The following SNTB2 variants were observed in gnomAD, a reference collection of about 807,000 sequenced individuals.
SNTB2 encodes the protein syntrophin beta 2, also known as beta-2-syntrophin.
SNTB2 carries 34 observed loss-of-function variants against 46.2 expected under a neutral mutation model. The observed-to-expected ratio is 0.74, with a 90% CI of 0.56 to 0.98. SNTB2 has a LOEUF of 0.98. Ranked by LOEUF, SNTB2 falls within the 50% of genes least tolerant of loss-of-function variation. The pLI is 0.00. For missense variants in SNTB2, 603 were observed against 731.4 expected, an observed-to-expected ratio of 0.82 and a Z score of 2.02; for synonymous variants, 290 against 312.6, an observed-to-expected ratio of 0.93 and a Z score of 0.76.
chr16:69,192,536 TG>T (rs1964065565), intron 1 of SNTB2, among the ~76,000 whole-genome samples: 1 of 152,252 alleles, frequency 6.6e-6, no homozygotes, highest in African/African-American at 2.4e-5. Flanking sequence ...AACAGTATAC[TG>T]TATCTGGTCA....
chr16:69,224,360 C>T (rs929165145), intron 1 of SNTB2, among the ~76,000 whole-genome samples: 2 of 151,786 alleles, frequency 1.3e-5, no homozygotes, highest in East Asian at 2.0e-4. Flanking sequence ...TACAGGCTCG[C>T]GCCACCACGC....
At chr16:69,223,444 C>T (rs1263681929) in intron 1 of SNTB2, among the ~76,000 whole-genome samples, 1 of 152,154 alleles carries the variant, frequency 6.6e-6, no homozygotes, top group Non-Finnish European at 1.5e-5. Context: ...ATGCACCTAC[C>T]TCAGCCTCTC....
At chr16:69,215,826 A>G (rs1458895771) in intron 1 of SNTB2, among the ~76,000 whole-genome samples, 2 of 152,184 alleles carry the variant, frequency 1.3e-5, no homozygotes, top group African/African-American at 4.8e-5. Flanking sequence ...TTTTTGATAC[A>G]GGGTCCTGAT....
chr16:69,214,521 G>A (rs1321514613), intron 1 of SNTB2, among the ~76,000 whole-genome samples: 1 of 151,050 alleles, frequency 6.6e-6, no homozygotes, highest in Non-Finnish European at 1.5e-5. Context: ...TATTTTATAT[G>A]TACATATGTG....
intron 1 of SNTB2, among the ~76,000 whole-genome samples, chr16:69,221,567 G>A (rs1017731541): frequency 1.3e-5 from 2 of 152,140 alleles, no homozygotes; most frequent in African/African-American, 2.4e-5. Context: ...CTTGAAGTCA[G>A]GAGTTTGAGA....
chr16:69,243,219 G>A (rs2152296643), intron 1 of SNTB2, among the ~76,000 whole-genome samples: 1 of 152,278 alleles, frequency 6.6e-6, no homozygotes, highest in East Asian at 1.9e-4. Flanking sequence ...ATGTGGGGGT[G>A]TAAAGGCTCT....
At chr16:69,272,039 A>C (rs1465725942) in intron 4 of SNTB2, among the ~76,000 whole-genome samples, 2 of 152,176 alleles carry the variant, frequency 1.3e-5, no homozygotes, top group Non-Finnish European at 2.9e-5. Context: ...AATATAGTAG[A>C]TCTTCATGAC....
chr16:69,218,506 C>CAGA (rs1332686256), intron 1 of SNTB2, among the ~76,000 whole-genome samples: 2 of 151,830 alleles, frequency 1.3e-5, no homozygotes, highest in Non-Finnish European at 2.9e-5. Context: ...ACTGCAAGCT[C>CAGA]TGCCTCCCAG....
At chr16:69,235,822 C>A (rs1211552337) in intron 1 of SNTB2, 2 of 1,289,194 alleles carry the variant, frequency 1.6e-6, no homozygotes, top group East Asian at 1.1e-4. Context: ...CTTCAAATAT[C>A]CTGGAATTGT....
At chr16:69,214,866 T>C (rs1033668056) in intron 1 of SNTB2, among the ~76,000 whole-genome samples, 4 of 145,556 alleles carry the variant, frequency 2.7e-5, no homozygotes, top group African/African-American at 7.7e-5. Flanking sequence ...AATTTTGACA[T>C]ATGGTCTCGT....
rs113842564 is a variant in SNTB2, at chr16:69,235,623, C to T, written c.581-9979C>T. 164 of 1,154,332 alleles carry T rather than the reference C, an allele frequency of 1.4e-4. 3 individuals carry two copies. The South Asian group carries it at 2.1e-3, about 15-fold the overall frequency. The allele number at this position is 1,154,332 out of a possible 1,614,324, so 71.5% of individuals were successfully genotyped here. A position where few individuals can be genotyped will look rare whatever the true frequency, so the allele number is the denominator to read the frequency against. ...TAAAAGGAAGGGAAAGGAAGAAAGG[C>T]GGGAAGTGGGGAGCAGAAAGAAAGA... On this transcript the variant is annotated intron_variant, in intron 1 of 6. Coordinates refer to ENST00000336278, the MANE Select transcript of SNTB2 (RefSeq NM_006750.4).
At chr16:69,263,333 C>T (rs1485235397) in intron 3 of SNTB2, among the ~76,000 whole-genome samples, 1 of 151,902 alleles carries the variant, frequency 6.6e-6, no homozygotes, top group Admixed American at 6.6e-5. Flanking sequence ...TGGTCTCAAA[C>T]TCCTGGGCCC....
At chr16:69,205,317 T>A (rs1301919282) in intron 1 of SNTB2, among the ~76,000 whole-genome samples, 2 of 68,030 alleles carry the variant, frequency 2.9e-5, no homozygotes, top group Admixed American at 1.3e-4. Flanking sequence ...GCTTGGCAAA[T>A]TTTTTTTTTT....
At chr16:69,187,778 C>G (rs1213996926) in intron 1 of SNTB2, 32 bp downstream of exon 1, 1 of 1,324,278 alleles carries the variant, frequency 7.6e-7, no homozygotes, top group Non-Finnish European at 9.8e-7. Context: ...GGTGGGCAGG[C>G]CGCGGCGGCC....
intron 5 of SNTB2, among the ~76,000 whole-genome samples, chr16:69,284,459 TAAAAAAAAAAAAAAAA>T (rs3087058): frequency 7.6e-4 from 35 of 45,912 alleles, no homozygotes; most frequent in African/African-American, 1.3e-3. Context: ...CCGTCTTTAC[TAAAAAAAAAAAAAAAA>T]AAAAAAAAAA....
At chr16:69,220,129 G>A (rs1418437517) in intron 1 of SNTB2, among the ~76,000 whole-genome samples, 1 of 136,632 alleles carries the variant, frequency 7.3e-6, no homozygotes, top group Non-Finnish European at 1.6e-5. Context: ...TTTAGAAAAT[G>A]TATGTTCCAA....
intron 1 of SNTB2, among the ~76,000 whole-genome samples, chr16:69,204,353 C>T (rs1964194093): frequency 6.6e-6 from 1 of 152,190 alleles, no homozygotes; most frequent in Admixed American, 6.5e-5. Flanking sequence ...AGAAGTCTCC[C>T]ACTGGGCACC....
Position 69,260,067 on chromosome 16 carries a change from C to A in SNTB2, c.812C>A (p.Ser271Tyr). The change falls in exon 3 of 7, where the codon TCT (serine) becomes TAT (tyrosine). Residue 271 changes from serine (S) to tyrosine (Y), a missense_variant. Physicochemically the swap from Ser to Tyr is moderately radical, Grantham distance 144 (BLOSUM62 -2). Coordinates refer to ENST00000336278, the MANE Select transcript of SNTB2 (RefSeq NM_006750.4). Reference sequence around the variant, plus strand: ...CCACACAGATTGATAGAGCTACATTCTCCTGATAGCAGGAACACGTTGATC... The same window carrying A: ...CCACACAGATTGATAGAGCTACATTATCCTGATAGCAGGAACACGTTGATC... ...DLENRLIELH[S>Y]PDSRNTLILR... 6.2e-7 allele frequency: 1 copy of A among 1,612,516 alleles called. No homozygotes were observed. Among genetic ancestry groups the A allele is most frequent in the Non-Finnish European group, 8.5e-7 (1 of 1,179,026 alleles).
At chr16:69,255,175 C>G (rs182322402) in intron 2 of SNTB2, among the ~76,000 whole-genome samples, 2 of 152,110 alleles carry the variant, frequency 1.3e-5, no homozygotes, top group African/African-American at 2.4e-5. Flanking sequence ...ATAGCTCACT[C>G]TAGCCTCGAA....
Sources: allele counts gnomAD v4.1 joint callset (sites outside exome capture counted in the v4.1 genomes callset), GRCh38; gene constraint gnomAD v4.1.1; transcripts MANE v1.5; gene names NCBI Gene and HGNC (gene_info 2026-07-23, HGNC 2026-07-21).